Variants in RAB7A observed in about 807,000 individuals in gnomAD.
RAB7A encodes ras-related protein Rab-7a.
Under a neutral mutation model 24.5 loss-of-function variants are expected in RAB7A, and 2 were observed. The observed-to-expected ratio is 0.08, with a 90% CI of 0.03 to 0.26. RAB7A has a LOEUF of 0.26. Among genes scored for constraint, RAB7A ranks in the 10% least tolerant of loss-of-function variants. The probability of loss-of-function intolerance (pLI) is 1.00; values close to 1 mark genes in which losing one functional copy is unlikely to be tolerated. For missense variants in RAB7A, 118 were observed against 255.7 expected (o/e 0.46, Z 3.67); for synonymous variants, 100 against 95.9 (o/e 1.04, Z -0.25).
At chr3:128,727,681 C>T (rs2070394462) in intron 1 of RAB7A, among the ~76,000 whole-genome samples, 1 of 152,218 alleles carries the variant, frequency 6.6e-6, no homozygotes, top group African/African-American at 2.4e-5. Flanking sequence ...GCTGTCCAGC[C>T]GGCTGGTTCT....
chr3:128,764,657 G>T, intron 1 of RAB7A: 1 of 905,796 alleles, frequency 1.1e-6, no homozygotes, highest in South Asian at 1.3e-5. Flanking sequence ...TCAGTGGCTA[G>T]TTTGTGCAGT....
intron 1 of RAB7A, among the ~76,000 whole-genome samples, chr3:128,743,895 TTC>T (rs1002287989): frequency 6.6e-6 from 1 of 151,614 alleles, no homozygotes; most frequent in Non-Finnish European, 1.5e-5. Flanking sequence ...GTTCAAGCGA[TTC>T]TCCTCCTCAG....
intron 1 of RAB7A, among the ~76,000 whole-genome samples, chr3:128,782,368 A>C (rs909885670): frequency 6.6e-6 from 1 of 152,142 alleles, no homozygotes; most frequent in African/African-American, 2.4e-5. Flanking sequence ...TGGTCCATCC[A>C]GGCTGATGCC....
At position 128,795,373 on chromosome 3, in the gene RAB7A, C is replaced by G. The variant is rs1053225393; in HGVS notation, c.6C>G (p.Thr2=). 10 of 1,613,126 alleles carry G rather than the reference C, an allele frequency of 6.2e-6. No individual in the cohort carries two copies. The Admixed American group carries it at 1.0e-4, about 16-fold the overall frequency. The change falls in exon 2 of 6, where the codon ACC becomes ACG. Residue 2 remains threonine (T), a synonymous_variant. Coordinates refer to ENST00000265062, the MANE Select transcript of RAB7A (RefSeq NM_004637.6). ...TTCCCCCTTTAGTTTGAAGGATGAC[C>G]TCTAGGAAGAAAGTGTTGCTGAAGG... M[T]SRKKVLLKVI...
rs570522911 is a variant in RAB7A, at chr3:128,795,329, C to G, written c.-8-31C>G. On this transcript the variant is annotated intron_variant, in intron 1 of 5. Transcript: ENST00000265062. ...GTTTTGTTTTGGTGTTTCCATCACACTCACAGTGATTTCTCCTTTTCCCCC... is the reference window on the plus strand; with the variant it reads ...GTTTTGTTTTGGTGTTTCCATCACAGTCACAGTGATTTCTCCTTTTCCCCC... The G allele has an allele frequency of 1.6e-5, 25 of 1,579,446 alleles. No homozygotes were observed. The South Asian group carries it at 2.4e-4, about 15-fold the overall frequency.
At chr3:128,787,704 G>GT (rs1933370181) in intron 1 of RAB7A, among the ~76,000 whole-genome samples, 1 of 152,154 alleles carries the variant, frequency 6.6e-6, no homozygotes, top group Non-Finnish European at 1.5e-5. Context: ...CTATTCTTAA[G>GT]TTTCTTTTTG....
At chr3:128,773,679 A>G (rs1354168248) in intron 1 of RAB7A, among the ~76,000 whole-genome samples, 1 of 152,240 alleles carries the variant, frequency 6.6e-6, no homozygotes. Flanking sequence ...AGATAGCGAA[A>G]TCAGATTGTT....
chr3:128,795,750 G>GTTTTTT (rs1491091651), intron 2 of RAB7A, among the ~76,000 whole-genome samples: 1 of 6,876 alleles, frequency 1.5e-4, no homozygotes, highest in East Asian at 6.3e-3. Flanking sequence ...TAGCAGATGT[G>GTTTTTT]CTTTTTTTTT....
At chr3:128,790,904 AAAC>A (rs570851684) in intron 1 of RAB7A, among the ~76,000 whole-genome samples, 14 of 152,174 alleles carry the variant, frequency 9.2e-5, no homozygotes, top group East Asian at 1.9e-4. Context: ...CCCACCTCAA[AAAC>A]AACAACAACA....
chr3:128,763,880 C>T (rs1297083827), intron 1 of RAB7A, among the ~76,000 whole-genome samples: 1 of 120,654 alleles, frequency 8.3e-6, no homozygotes, highest in Non-Finnish European at 1.6e-5. Flanking sequence ...CCCCCCGCCC[C>T]TGCTTTTCAA....
intron 1 of RAB7A, among the ~76,000 whole-genome samples, chr3:128,777,465 AG>A (rs1367698454): frequency 6.6e-6 from 1 of 152,184 alleles, no homozygotes; most frequent in Non-Finnish European, 1.5e-5. Context: ...TTGGGATTAC[AG>A]GCAAGAGCCA....
At chr3:128,763,586 G>C (rs1260892400) in intron 1 of RAB7A, among the ~76,000 whole-genome samples, 1 of 152,088 alleles carries the variant, frequency 6.6e-6, no homozygotes, top group Non-Finnish European at 1.5e-5. Context: ...CACTATTAGA[G>C]ACAGTAAGTT....
At chr3:128,740,081 C>CAA (rs1160763027) in intron 1 of RAB7A, among the ~76,000 whole-genome samples, 1 of 150,842 alleles carries the variant, frequency 6.6e-6, no homozygotes, top group African/African-American at 2.4e-5. Context: ...AAAACAAAAA[C>CAA]AAAGAAAAGG....
intron 1 of RAB7A, among the ~76,000 whole-genome samples, chr3:128,750,947 T>C (rs768221248): frequency 1.3e-5 from 2 of 152,224 alleles, no homozygotes; most frequent in Non-Finnish European, 2.9e-5. Flanking sequence ...GGAGCCAATG[T>C]AGAGCTCAGG....
At chr3:128,807,024 T>C (rs1933818306) in intron 4 of RAB7A, among the ~76,000 whole-genome samples, 1 of 152,232 alleles carries the variant, frequency 6.6e-6, no homozygotes, top group Non-Finnish European at 1.5e-5. Flanking sequence ...TAATTACAAC[T>C]AGGTTTATTT....
At chr3:128,774,078 TAAA>T (rs146037243) in intron 1 of RAB7A, among the ~76,000 whole-genome samples, 6 of 111,084 alleles carry the variant, frequency 5.4e-5, no homozygotes, top group Admixed American at 9.3e-5. Flanking sequence ...AATGATCAAT[TAAA>T]AAAAAAAAAA....
At chr3:128,743,274 G>T (rs866152409) in intron 1 of RAB7A, among the ~76,000 whole-genome samples, 54 of 152,306 alleles carry the variant, frequency 3.5e-4, no homozygotes, top group African/African-American at 1.2e-3. Context: ...CGAGTGCCGC[G>T]CGCAGCCCCA....
intron 5 of RAB7A, among the ~76,000 whole-genome samples, chr3:128,811,247 C>T (rs1276758294): frequency 6.6e-6 from 1 of 152,134 alleles, no homozygotes. Flanking sequence ...CCACCATAGC[C>T]TCCTAAGTAG....
At chr3:128,796,423 G>C (rs1933578918) in intron 2 of RAB7A, among the ~76,000 whole-genome samples, 2 of 152,168 alleles carry the variant, frequency 1.3e-5, no homozygotes, top group Non-Finnish European at 2.9e-5. Flanking sequence ...TTGCACTGCA[G>C]CCCGAGTGAC....
Sources: gnomAD v4.1 joint callset for allele counts (sites outside exome capture counted in the v4.1 genomes callset) on GRCh38, gnomAD v4.1.1 for gene constraint, MANE v1.5 for transcripts, NCBI Gene and HGNC (gene_info 2026-07-23, HGNC 2026-07-21) for gene names.